Variants in HECW1 observed in about 807,000 individuals in gnomAD.
HECW1 encodes the protein HECT, C2 and WW domain containing E3 ubiquitin protein ligase 1, also known as E3 ubiquitin-protein ligase HECW1.
Under a neutral mutation model 182.3 loss-of-function variants are expected in HECW1, and 61 were observed. The ratio of observed to expected loss-of-function variants is 0.33; its 90% CI spans 0.27 to 0.41. HECW1 has a LOEUF of 0.41. Ranked by LOEUF, HECW1 falls within the 10% of genes least tolerant of loss-of-function variation. The pLI, the probability that HECW1 is intolerant of heterozygous loss-of-function variation, is 1.00. For missense variants in HECW1, 1,739 were observed against 2,108.9 expected (o/e 0.82, Z 3.44); for synonymous variants, 859 against 832.6 (o/e 1.03, Z -0.55).
At chr7:43,271,329 T>C (rs1317586281) in intron 3 of HECW1, among the ~76,000 whole-genome samples, 4 of 152,116 alleles carry the variant, frequency 2.6e-5, no homozygotes, top group Admixed American at 6.5e-5. Context: ...CTCTCACCTA[T>C]TCAACATAGT....
At chr7:43,289,041 A>C (rs1805031709) in intron 3 of HECW1, among the ~76,000 whole-genome samples, 2 of 152,044 alleles carry the variant, frequency 1.3e-5, no homozygotes, top group South Asian at 4.1e-4. Flanking sequence ...CCTGGCTGGT[A>C]CTAGGCATTT....
intron 3 of HECW1, among the ~76,000 whole-genome samples, chr7:43,286,804 G>A (rs959944543): frequency 2.6e-5 from 4 of 152,152 alleles, no homozygotes; most frequent in African/African-American, 9.7e-5. Flanking sequence ...CAGAGTTCAG[G>A]AAGCTCCATA....
chr7:43,136,890 C>G (rs1787599615), intron 2 of HECW1, among the ~76,000 whole-genome samples: 1 of 152,162 alleles, frequency 6.6e-6, no homozygotes, highest in South Asian at 2.1e-4. Context: ...ACTGATCCCA[C>G]TGTTTTCAAG....
At chr7:43,427,803 A>C (rs1000525327) in intron 8 of HECW1, among the ~76,000 whole-genome samples, 3 of 152,306 alleles carry the variant, frequency 2.0e-5, no homozygotes, top group Non-Finnish European at 4.4e-5. Context: ...AGAGCAGTCC[A>C]TGACACCTGA....
chr7:43,308,328 AT>A (rs558054216), intron 3 of HECW1, among the ~76,000 whole-genome samples: 4,106 of 128,440 alleles, frequency 0.032, 167 homozygotes, highest in Non-Finnish European at 0.044. Context: ...TATATGATAT[AT>A]TTATATATAT....
intron 11 of HECW1, among the ~76,000 whole-genome samples, chr7:43,446,189 C>T (rs918188727): frequency 5.3e-5 from 8 of 151,594 alleles, no homozygotes; most frequent in Non-Finnish European, 1.0e-4. Flanking sequence ...GCTATTTTGG[C>T]TAATGGAAGG....
intron 3 of HECW1, among the ~76,000 whole-genome samples, chr7:43,251,689 CA>C (rs1562736383): frequency 1.3e-5 from 2 of 152,164 alleles, no homozygotes; most frequent in East Asian, 3.9e-4. Flanking sequence ...GTTACGGGTT[CA>C]TTACACTCCT....
chr7:43,378,630 C>G (rs1418992770), intron 6 of HECW1, among the ~76,000 whole-genome samples: 1 of 152,102 alleles, frequency 6.6e-6, no homozygotes, highest in Non-Finnish European at 1.5e-5. Flanking sequence ...CATAGTGAAA[C>G]CCCATTTCTA....
At chr7:43,137,779 A>G (rs10272651) in intron 2 of HECW1, among the ~76,000 whole-genome samples, 10,296 of 152,064 alleles carry the variant, frequency 0.068, 1,171 homozygotes, top group African/African-American at 0.23. Flanking sequence ...CGAACTCCTG[A>G]GCTCAAGTGA....
chr7:43,547,599 A>G (rs2081614413), intron 26 of HECW1, among the ~76,000 whole-genome samples: 1 of 152,194 alleles, frequency 6.6e-6, no homozygotes, highest in African/African-American at 2.4e-5. Flanking sequence ...ATATTCCACA[A>G]AAAGTGCCAG....
intron 3 of HECW1, among the ~76,000 whole-genome samples, chr7:43,282,745 C>A (rs1324712736): frequency 6.6e-6 from 1 of 151,990 alleles, no homozygotes; most frequent in Admixed American, 6.6e-5. Context: ...CTCTAGCATC[C>A]AACAGTCATC....
intron 3 of HECW1, chr7:43,249,252 C>T (rs1799778264): frequency 6.6e-6 from 1 of 152,512 alleles, no homozygotes. Context: ...ATAAAACTGT[C>T]CTGGTGAGTC....
intron 29 of HECW1, among the ~76,000 whole-genome samples, chr7:43,556,870 A>G (rs1031041815): frequency 6.6e-6 from 1 of 152,124 alleles, no homozygotes. Flanking sequence ...GAGAGCTTCT[A>G]AGGCAGACAT....
intron 4 of HECW1, among the ~76,000 whole-genome samples, chr7:43,312,918 C>A (rs757490): frequency 0.15 from 23,453 of 152,266 alleles, 5,832 homozygotes; most frequent in African/African-American, 0.53. Flanking sequence ...AGATTCAACA[C>A]CGGGTCATCC....
chr7:43,500,924 C>A, intron 20 of HECW1, 142 bp downstream of exon 20: 1 of 722,674 alleles, frequency 1.4e-6, no homozygotes, highest in South Asian at 1.6e-5. Context: ...AAGTGGGACC[C>A]CACCCTTGTA....
intron 3 of HECW1, among the ~76,000 whole-genome samples, chr7:43,247,787 AAGAAAAG>A (rs386712613): frequency 1.4e-4 from 17 of 125,050 alleles, no homozygotes; most frequent in African/African-American, 5.6e-4. Context: ...GAGAGAAAAA[AAGAAAAG>A]AAGGAGGGAA....
intron 19 of HECW1, among the ~76,000 whole-genome samples, chr7:43,495,040 A>G (rs2079064292): frequency 6.6e-6 from 1 of 152,144 alleles, no homozygotes; most frequent in African/African-American, 2.4e-5. Context: ...GGCAAGCTTT[A>G]GTATTTCTTT....
At chr7:43,548,962 G>C (rs1165576636) in intron 26 of HECW1, among the ~76,000 whole-genome samples, 6 of 152,082 alleles carry the variant, frequency 3.9e-5, no homozygotes, top group African/African-American at 7.2e-5. Flanking sequence ...AACAAAAAAA[G>C]CTCTGTTTGA....
At chr7:43,377,669 T>A (rs560564078) in intron 6 of HECW1, 1 of 203,608 alleles carries the variant, frequency 4.9e-6, no homozygotes, top group South Asian at 1.9e-4. Flanking sequence ...GTTTTTCCTA[T>A]GTTACTTACA....
Sources: gnomAD v4.1 joint callset for allele counts (sites outside exome capture counted in the v4.1 genomes callset) on GRCh38, gnomAD v4.1.1 for gene constraint, MANE v1.5 for transcripts, NCBI Gene and HGNC (gene_info 2026-07-23, HGNC 2026-07-21) for gene names.